Variants in TRAK1 observed in about 807,000 individuals in gnomAD.
TRAK1 encodes the protein trafficking kinesin-binding protein 1.
In TRAK1, 33 loss-of-function variants were observed where a neutral mutation model predicts 92.1. That is an observed-to-expected ratio of 0.36 (90% confidence interval 0.27 to 0.48). The LOEUF is 0.48. Ranked by LOEUF, TRAK1 falls within the 20% of genes least tolerant of loss-of-function variation. The pLI, the probability that TRAK1 is intolerant of heterozygous loss-of-function variation, is 0.99. For missense variants in TRAK1, 1,123 were observed against 1,257.9 expected (o/e 0.89, Z 1.62); for synonymous variants, 521 against 517.3 (o/e 1.01, Z -0.10).
chr3:42,162,218 A>G (rs964567137), intron 2 of TRAK1, among the ~76,000 whole-genome samples: 77 of 152,266 alleles, frequency 5.1e-4, no homozygotes, highest in African/African-American at 1.8e-3. Flanking sequence ...ATCCTAGTCA[A>G]GAGAGGAAAA....
At chr3:42,067,946 CA>C (rs1426025492) in intron 1 of TRAK1, among the ~76,000 whole-genome samples, 1 of 151,964 alleles carries the variant, frequency 6.6e-6, no homozygotes, top group African/African-American at 2.4e-5. Flanking sequence ...CCGAGGCGGG[CA>C]GATCATCTGA....
intron 1 of TRAK1, among the ~76,000 whole-genome samples, chr3:42,092,129 G>T (rs780065359): frequency 5.9e-5 from 9 of 151,910 alleles, no homozygotes; most frequent in Non-Finnish European, 8.8e-5. Flanking sequence ...AAATGCTTGG[G>T]CCTGGGACTC....
At chr3:42,180,099 T>G (rs565096717) in intron 3 of TRAK1, among the ~76,000 whole-genome samples, 2 of 152,262 alleles carry the variant, frequency 1.3e-5, no homozygotes, top group East Asian at 3.9e-4. Flanking sequence ...ATGGGAGGTT[T>G]TTTTCATTCT....
At chr3:42,159,159 C>G (rs1316046893) in intron 2 of TRAK1, among the ~76,000 whole-genome samples, 1 of 152,014 alleles carries the variant, frequency 6.6e-6, no homozygotes, top group African/African-American at 2.4e-5. Context: ...ATTCTCGGCC[C>G]TAAGGATTCA....
intron 1 of TRAK1, among the ~76,000 whole-genome samples, chr3:42,038,810 T>G (rs1226062194): frequency 2.1e-5 from 3 of 146,258 alleles, no homozygotes; most frequent in Non-Finnish European, 4.5e-5. Flanking sequence ...AAAGTTTTTT[T>G]TTTTTTTTTT....
intron 2 of TRAK1, among the ~76,000 whole-genome samples, chr3:42,152,679 C>T (rs1046867017): frequency 6.6e-6 from 1 of 152,122 alleles, no homozygotes; most frequent in Non-Finnish European, 1.5e-5. Flanking sequence ...AGGTCAGTTT[C>T]GGGATCTTAG....
intron 2 of TRAK1, among the ~76,000 whole-genome samples, chr3:42,166,140 G>A (rs76233750): frequency 0.06 from 9,133 of 152,116 alleles, 289 homozygotes; most frequent in Middle Eastern, 0.085. Flanking sequence ...TCGAGGGTAC[G>A]ATTCATTTAT....
intron 1 of TRAK1, among the ~76,000 whole-genome samples, chr3:42,081,067 G>T (rs1450059792): frequency 6.6e-6 from 1 of 152,064 alleles, no homozygotes; most frequent in East Asian, 1.9e-4. Flanking sequence ...TGTAGAGTTA[G>T]GGTTCCACCA....
intron 1 of TRAK1, among the ~76,000 whole-genome samples, chr3:42,114,992 C>T (rs558606517): frequency 1.1e-4 from 16 of 152,266 alleles, no homozygotes; most frequent in African/African-American, 3.9e-4. Context: ...GGATTACAGG[C>T]GTGAGCCACT....
chr3:42,034,108 G>T (rs919548323), intron 1 of TRAK1, among the ~76,000 whole-genome samples: 1 of 152,070 alleles, frequency 6.6e-6, no homozygotes, highest in Admixed American at 6.6e-5. Context: ...GACATTCCTT[G>T]CCCCATCCAT....
At chr3:42,142,930 A>G (rs1007808695) in intron 2 of TRAK1, among the ~76,000 whole-genome samples, 1 of 152,090 alleles carries the variant, frequency 6.6e-6, no homozygotes, top group African/African-American at 2.4e-5. Context: ...TATCACTTCT[A>G]CCTCAGACCT....
At chr3:42,154,236 G>A (rs546929629) in intron 2 of TRAK1, among the ~76,000 whole-genome samples, 2 of 151,980 alleles carry the variant, frequency 1.3e-5, no homozygotes, top group African/African-American at 2.4e-5. Context: ...GCAGTGGCAC[G>A]ATCTCAGCTC....
rs1316286601 is a variant in TRAK1 at position 42,220,661 on chromosome 3, C to T, written c.2066+1065C>T. On this transcript the variant is annotated intron_variant, in intron 15 of 15. Transcript: ENST00000327628. ...AAGGAGCTGTGTGTGCACGCGTGGC[C>T]GCCACTAACCCGGGGACTTAGGCTT... 16 of 938,226 alleles carry T rather than the reference C, an allele frequency of 1.7e-5. No individual in the cohort carries two copies. The South Asian group carries it at 2.5e-4, about 14-fold the overall frequency. 58.1% of individuals were successfully genotyped at this position (938,226 alleles called of 1,614,324 possible).
chr3:42,111,099 C>CAGAG (rs1188837066), intron 1 of TRAK1, among the ~76,000 whole-genome samples: 1 of 152,134 alleles, frequency 6.6e-6, no homozygotes, highest in Non-Finnish European at 1.5e-5. Flanking sequence ...CATCTGGGAT[C>CAGAG]AGAGGGCAAA....
chr3:42,169,487 C>T (rs1047216909), intron 2 of TRAK1, among the ~76,000 whole-genome samples: 2 of 152,000 alleles, frequency 1.3e-5, no homozygotes, highest in East Asian at 1.9e-4. Flanking sequence ...AAAAAGTCTT[C>T]GTGACCTTAG....
upstream of TRAK1, among the ~76,000 whole-genome samples, chr3:42,086,883 T>C (rs1012364770): frequency 6.6e-6 from 1 of 152,220 alleles, no homozygotes; most frequent in Non-Finnish European, 1.5e-5. Context: ...AATGAAGCCA[T>C]GTGCTCCACA....
At chr3:42,030,919 C>A (rs1354182945) in intron 1 of TRAK1, among the ~76,000 whole-genome samples, 1 of 151,572 alleles carries the variant, frequency 6.6e-6, no homozygotes, top group Non-Finnish European at 1.5e-5. Context: ...AGGTAAACCT[C>A]AAACTTCATC....
intron 3 of TRAK1, among the ~76,000 whole-genome samples, chr3:42,183,753 G>A (rs1024080368): frequency 6.6e-6 from 1 of 152,076 alleles, no homozygotes; most frequent in Non-Finnish European, 1.5e-5. Flanking sequence ...AGAGTAATTA[G>A]CATAGACTTC....
chr3:42,050,288 T>C (rs1702929184), intron 1 of TRAK1, among the ~76,000 whole-genome samples: 1 of 152,214 alleles, frequency 6.6e-6, no homozygotes, highest in African/African-American at 2.4e-5. Flanking sequence ...CCTAAGCTTG[T>C]GTGTTCACTT....
Sources: allele counts gnomAD v4.1 joint callset (sites outside exome capture counted in the v4.1 genomes callset), GRCh38; gene constraint gnomAD v4.1.1; transcripts MANE v1.5; gene names NCBI Gene and HGNC (gene_info 2026-07-23, HGNC 2026-07-21).